Variants in PDXDC1 observed in about 807,000 individuals in gnomAD.
The protein encoded by PDXDC1 is pyridoxal dependent decarboxylase domain containing 1.
PDXDC1 carries 42 observed loss-of-function variants against 100.1 expected under a neutral mutation model. That is an observed-to-expected ratio of 0.42 (90% CI 0.33 to 0.54). PDXDC1 has a LOEUF of 0.54. PDXDC1 is among the 20% of genes least tolerant of loss of function. The pLI is 0.10. For missense variants in PDXDC1, 636 were observed against 979.2 expected, an observed-to-expected ratio of 0.65 and a Z score of 4.68; for synonymous variants, 260 against 371.7, an observed-to-expected ratio of 0.70 and a Z score of 3.46.
Position 15,038,081 on chromosome 16 carries a change from T to C in PDXDC1, c.*1806T>C. On this transcript the variant is annotated 3_prime_UTR_variant, in exon 23 of 23. Coordinates refer to ENST00000396410, the MANE Select transcript of PDXDC1 (RefSeq NM_015027.4). ...TCCCACAAGCCATCTTCATTTTTTT[T>C]GTAGAGTAGGGCTTTATTTCCAGAA... 1.2e-6 allele frequency: 2 copies of C among 1,612,488 alleles called. No homozygotes were observed. Among genetic ancestry groups the C allele is most frequent in the South Asian group, 2.2e-5 (2 of 90,852 alleles).
chr16:15,040,473 TG>T (rs2043764144), downstream of PDXDC1: 1 of 185,894 alleles, frequency 5.4e-6, no homozygotes, highest in South Asian at 1.5e-4. Flanking sequence ...AATAGAACAG[TG>T]AACACTGTGT....
At chr16:15,090,880 T>G (rs1352423171) in intron 16 of PDXDC1, among the ~76,000 whole-genome samples, 6 of 151,926 alleles carry the variant, frequency 3.9e-5, no homozygotes, top group African/African-American at 1.2e-4. Flanking sequence ...TTTGTTTTTT[T>G]TTTTTTTTTG....
intron 1 of PDXDC1, among the ~76,000 whole-genome samples, chr16:14,981,605 A>C (rs1293927474): frequency 3.9e-5 from 6 of 152,282 alleles, no homozygotes; most frequent in Non-Finnish European, 8.8e-5. Flanking sequence ...GGAAGTGTTT[A>C]CTCGTGTTAT....
intron 3 of PDXDC1, among the ~76,000 whole-genome samples, chr16:15,000,619 C>T (rs1248113346): frequency 6.6e-6 from 1 of 152,296 alleles, no homozygotes; most frequent in Non-Finnish European, 1.5e-5. Context: ...TTGCTTGCTA[C>T]TTCAGCCGTT....
chr16:15,024,028 G>A (rs1384796903), intron 13 of PDXDC1, among the ~76,000 whole-genome samples: 12 of 152,408 alleles, frequency 7.9e-5, no homozygotes, highest in South Asian at 2.1e-4. Context: ...CATGTTGAGC[G>A]CACTTGGCTT....
chr16:15,108,208 A>T (rs1365685174), intron 16 of PDXDC1: 1 of 882,100 alleles, frequency 1.1e-6, no homozygotes, highest in Admixed American at 6.2e-5. Flanking sequence ...TGGCCTCAAA[A>T]GGGTAAGTTT....
At chr16:14,977,038 T>A (rs1460080238) in intron 1 of PDXDC1, 1 of 152,314 alleles carries the variant, frequency 6.6e-6, no homozygotes, top group Non-Finnish European at 1.5e-5. Flanking sequence ...TTTTCTGGCA[T>A]TTGATCAGTA....
At chr16:15,142,195 G>C (rs1443675318), downstream of PDXDC1, among the ~76,000 whole-genome samples, 1 of 152,162 alleles carries the variant, frequency 6.6e-6, no homozygotes. Context: ...GAGCTGACAA[G>C]CCAGGGCAGG....
chr16:14,984,935 T>G (rs553726297), intron 1 of PDXDC1, among the ~76,000 whole-genome samples: 1 of 152,080 alleles, frequency 6.6e-6, no homozygotes, highest in Non-Finnish European at 1.5e-5. Flanking sequence ...AGTGCAGTGG[T>G]GCATTCTTGG....
intron 8 of PDXDC1, among the ~76,000 whole-genome samples, chr16:15,014,764 A>G (rs2041652758): frequency 6.6e-6 from 1 of 152,274 alleles, no homozygotes; most frequent in African/African-American, 2.4e-5. Context: ...GGAATGCCTG[A>G]CTCAACGTTT....
At chr16:15,093,664 C>T (rs1242277779) in intron 16 of PDXDC1, among the ~76,000 whole-genome samples, 1 of 152,128 alleles carries the variant, frequency 6.6e-6, no homozygotes, top group Admixed American at 6.5e-5. Flanking sequence ...AAGTTAAACG[C>T]CAAGAGTGCT....
chr16:15,045,172 C>G (rs1684587253), intron 16 of PDXDC1: 1 of 151,402 alleles, frequency 6.6e-6, no homozygotes, highest in Non-Finnish European at 1.5e-5. Flanking sequence ...GGTGGCACAC[C>G]TGTAATCCCA....
Position 15,071,263 on chromosome 16 carries a change from G to T in PDXDC1, c.1399+41207G>T, listed in dbSNP as rs1266110110. On this transcript the variant is annotated intron_variant, in intron 16 of 16. Coordinates refer to the PDXDC1 transcript ENST00000535621. ...GCCTCTGCGAATCCCTATAAAAAGA[G>T]AGGGCGTCGGTGTGATCTTTTTTAA... 3 of 1,597,762 alleles carry T rather than the reference G, an allele frequency of 1.9e-6. No individual in the cohort carries two copies. The East Asian group carries it at 6.7e-5, about 36-fold the overall frequency.
chr16:15,147,983 CCT>C, the PDXDC1 span, among the ~76,000 whole-genome samples: 14 of 151,884 alleles, frequency 9.2e-5, no homozygotes, highest in African/African-American at 1.2e-4. Context: ...CCGCGCCCAC[CCT>C]GTTTTTTTGT....
At chr16:15,147,328 C>A in the PDXDC1 span, among the ~76,000 whole-genome samples, 1 of 152,316 alleles carries the variant, frequency 6.6e-6, no homozygotes, top group South Asian at 2.1e-4. Context: ...GCACCCTGTG[C>A]GGCTGCAGGG....
intron 16 of PDXDC1, among the ~76,000 whole-genome samples, chr16:15,059,860 T>G (rs9927842): frequency 2.0e-5 from 3 of 151,888 alleles, no homozygotes; most frequent in Admixed American, 6.6e-5. Context: ...ATACTTCATA[T>G]AGTGCACACG....
chr16:15,007,451 G>A (rs1252984945), intron 6 of PDXDC1, among the ~76,000 whole-genome samples: 1 of 152,276 alleles, frequency 6.6e-6, no homozygotes, highest in Non-Finnish European at 1.5e-5. Context: ...TGGGATTACA[G>A]GTGTGAGCCA....
At chr16:15,144,467 C>T in the PDXDC1 span, among the ~76,000 whole-genome samples, 6 of 152,176 alleles carry the variant, frequency 3.9e-5, no homozygotes, top group African/African-American at 7.2e-5. Flanking sequence ...CCAGGGAGGC[C>T]GGCCACAACC....
chr16:14,975,173 G>A lies in PDXDC1; in HGVS notation c.-27G>A, dbSNP rs1344035004. 2.1e-6 allele frequency: 3 copies of A among 1,457,676 alleles called. No individual in the cohort carries two copies. Among genetic ancestry groups the A allele is most frequent in the South Asian group, 2.9e-5 (2 of 68,732 alleles). 90.3% of individuals were successfully genotyped at this position (1,457,676 alleles called of 1,614,324 possible). A position where few individuals can be genotyped will look rare whatever the true frequency, so the allele number is the denominator to read the frequency against. On this transcript the variant is annotated 5_prime_UTR_variant, in exon 1 of 23. Coordinates refer to ENST00000396410, the MANE Select transcript of PDXDC1 (RefSeq NM_015027.4). Reference sequence around the variant, plus strand: ...GGAGGAGGAAGTAGAGCCCGGGACCGCCAGGCCACCACCGGCCGCCTCAGC... The same window carrying A: ...GGAGGAGGAAGTAGAGCCCGGGACCACCAGGCCACCACCGGCCGCCTCAGC...
Sources: allele counts gnomAD v4.1 joint callset (sites outside exome capture counted in the v4.1 genomes callset), GRCh38; gene constraint gnomAD v4.1.1; transcripts MANE v1.5; gene names NCBI Gene and HGNC (gene_info 2026-07-23, HGNC 2026-07-21).